TAOK1: variants seen among roughly 807,000 people sequenced by gnomAD.
TAOK1 encodes serine/threonine-protein kinase TAO1.
In TAOK1, 21 loss-of-function variants were observed where a neutral mutation model predicts 138.3. That is an observed-to-expected ratio of 0.15 (90% CI 0.11 to 0.22). TAOK1 has a LOEUF of 0.22. Ranked by LOEUF, TAOK1 falls within the 10% of genes least tolerant of loss-of-function variation. The probability of loss-of-function intolerance (pLI) is 1.00; values close to 1 mark genes in which losing one functional copy is unlikely to be tolerated. For synonymous variants in TAOK1, 361 were observed against 398.4 expected, an observed-to-expected ratio of 0.91 and a Z score of 1.12; for missense variants, 651 against 1,227.7, an observed-to-expected ratio of 0.53 and a Z score of 7.02.
intron 2 of TAOK1, among the ~76,000 whole-genome samples, chr17:29,452,264 A>G (rs1222224186): frequency 6.6e-6 from 1 of 152,120 alleles, no homozygotes; most frequent in African/African-American, 2.4e-5. Flanking sequence ...GAAAGAAAGA[A>G]AAAGAAAAAA....
intron 9 of TAOK1, among the ~76,000 whole-genome samples, chr17:29,490,010 T>C (rs1298907400): frequency 6.6e-6 from 1 of 152,072 alleles, no homozygotes; most frequent in Non-Finnish European, 1.5e-5. Flanking sequence ...TACAAGAATT[T>C]GTATTTTACT....
chr17:29,439,771 C>T (rs188684604), intron 1 of TAOK1, among the ~76,000 whole-genome samples: 7 of 151,016 alleles, frequency 4.6e-5, no homozygotes, highest in Non-Finnish European at 7.4e-5. Context: ...AATCTGTAGT[C>T]CCAGCTACTT....
At chr17:29,454,287 T>G (rs186447428) in intron 2 of TAOK1, among the ~76,000 whole-genome samples, 1 of 152,356 alleles carries the variant, frequency 6.6e-6, no homozygotes, top group East Asian at 1.9e-4. Flanking sequence ...ATGTCTATCT[T>G]TATGTCAGTA....
chr17:29,426,582 G>A (rs561243840), intron 1 of TAOK1, among the ~76,000 whole-genome samples: 16 of 152,312 alleles, frequency 1.1e-4, no homozygotes, highest in African/African-American at 3.8e-4. Context: ...TCAAAGGGGC[G>A]AGTGAGGACT....
chr17:29,517,582 G>A lies in TAOK1; in HGVS notation c.1834G>A (p.Glu612Lys). The A allele has an allele frequency of 6.2e-7, 1 of 1,613,936 alleles. No individual in the cohort carries two copies. Among genetic ancestry groups the A allele is most frequent in the Non-Finnish European group, 8.5e-7 (1 of 1,180,034 alleles). Residue 612 changes from glutamate to lysine, a missense_variant, in exon 16 of 20, where the codon GAG (glutamate) becomes AAG (lysine). Coordinates refer to ENST00000261716, the MANE Select transcript of TAOK1 (RefSeq NM_020791.4). ...TCTTCGACGTCAAAGACAATACCTA[G>A]AGCTGGAATGCCGTCGCTTCAAGAG... The part of the protein sequence containing the change: ...NLLRRQRQYL[E>K]LECRRFKRRM...
intron 13 of TAOK1, among the ~76,000 whole-genome samples, chr17:29,504,276 C>CAAGAA (rs2031587096): frequency 2.4e-5 from 1 of 40,848 alleles, no homozygotes; most frequent in Non-Finnish European, 4.4e-5. Flanking sequence ...GACCCTGTCT[C>CAAGAA]AAAAAAAAAA....
intron 11 of TAOK1, among the ~76,000 whole-genome samples, chr17:29,496,579 C>CTT (rs748595265): frequency 0.014 from 1,265 of 87,862 alleles, 55 homozygotes; most frequent in African/African-American, 0.04. Context: ...CCATCTACAC[C>CTT]TTTTTTTTTT....
intron 1 of TAOK1, among the ~76,000 whole-genome samples, chr17:29,423,226 T>TTC (rs1193567509): frequency 6.8e-6 from 1 of 147,392 alleles, no homozygotes; most frequent in East Asian, 2.0e-4. Context: ...CTTCTTTTCT[T>TTC]TTTTTTTTTT....
chr17:29,410,638 T>G (rs1905118895), intron 1 of TAOK1, among the ~76,000 whole-genome samples: 2 of 149,096 alleles, frequency 1.3e-5, no homozygotes, highest in Admixed American at 1.3e-4. Flanking sequence ...TTTTTTGGTT[T>G]TTTTTTTTGT....
intron 1 of TAOK1, among the ~76,000 whole-genome samples, chr17:29,402,781 A>T (rs1041920091): frequency 1.3e-5 from 2 of 152,076 alleles, no homozygotes; most frequent in African/African-American, 4.8e-5. Flanking sequence ...TCATGTCTTT[A>T]ATCCTAGCAC....
At chr17:29,524,015 A>G (rs141290314) in intron 17 of TAOK1, among the ~76,000 whole-genome samples, 73 of 152,308 alleles carry the variant, frequency 4.8e-4, no homozygotes, top group African/African-American at 1.7e-3. Flanking sequence ...ACTCCATTCA[A>G]ACAAGCTGTT....
intron 1 of TAOK1, among the ~76,000 whole-genome samples, chr17:29,410,694 G>C (rs1268723950): frequency 6.7e-6 from 1 of 148,198 alleles, no homozygotes; most frequent in Non-Finnish European, 1.5e-5. Flanking sequence ...GTGCAGTGGC[G>C]TGATCTCGGC....
intron 1 of TAOK1, among the ~76,000 whole-genome samples, chr17:29,395,824 A>ATTT (rs1187461666): frequency 0.042 from 3,017 of 71,838 alleles, 221 homozygotes; most frequent in African/African-American, 0.11. Flanking sequence ...CGTCTGGCTA[A>ATTT]TTTTTTTTTT....
intron 17 of TAOK1, among the ~76,000 whole-genome samples, chr17:29,526,967 A>T (rs1413163625): frequency 6.6e-6 from 1 of 152,096 alleles, no homozygotes; most frequent in Non-Finnish European, 1.5e-5. Context: ...CTCTACTAAA[A>T]ATTAAAAAAT....
At chr17:29,420,852 G>T (rs1340960075) in intron 1 of TAOK1, among the ~76,000 whole-genome samples, 1 of 152,072 alleles carries the variant, frequency 6.6e-6, no homozygotes, top group Admixed American at 6.6e-5. Context: ...AAAGTGCTAG[G>T]ATTACAGGTG....
intron 1 of TAOK1, among the ~76,000 whole-genome samples, chr17:29,405,727 C>T (rs567782329): frequency 2.6e-5 from 4 of 152,060 alleles, no homozygotes; most frequent in Middle Eastern, 3.4e-3. Context: ...TGCAGTGAGC[C>T]GACATCGAAC....
intron 1 of TAOK1, among the ~76,000 whole-genome samples, chr17:29,420,094 G>T (rs906607407): frequency 6.6e-6 from 1 of 151,664 alleles, no homozygotes; most frequent in South Asian, 2.1e-4. Flanking sequence ...ACCCAGGCTG[G>T]GGTACAGTGG....
chr17:29,422,313 C>A (rs1905475775), intron 1 of TAOK1, among the ~76,000 whole-genome samples: 1 of 152,246 alleles, frequency 6.6e-6, no homozygotes, highest in East Asian at 1.9e-4. Flanking sequence ...AAGCGATTCT[C>A]CTGCCTCAGC....
At chr17:29,409,308 C>CATATATATATAT (rs1183993280) in intron 1 of TAOK1, among the ~76,000 whole-genome samples, 10 of 79,488 alleles carry the variant, frequency 1.3e-4, no homozygotes, top group African/African-American at 5.1e-4. Context: ...TTTTTATGGA[C>CATATATATATAT]ATATATATAT....
Sources: allele counts gnomAD v4.1 joint callset (sites outside exome capture counted in the v4.1 genomes callset), GRCh38; gene constraint gnomAD v4.1.1; transcripts MANE v1.5; gene names NCBI Gene and HGNC (gene_info 2026-07-23, HGNC 2026-07-21).